The following XPO7 variants were observed in gnomAD, a reference collection of about 807,000 sequenced individuals.
The protein encoded by XPO7 is exportin 7.
A neutral mutation model predicts 144.3 loss-of-function variants in XPO7; 21 were observed. The ratio of observed to expected loss-of-function variants is 0.15; its 90% CI spans 0.10 to 0.21. XPO7 has a LOEUF of 0.21. Among genes scored for constraint, XPO7 ranks in the 10% least tolerant of loss-of-function variants. The probability of loss-of-function intolerance (pLI) is 1.00; values close to 1 mark genes in which losing one functional copy is unlikely to be tolerated. For missense variants in XPO7, 808 were observed against 1,325.8 expected, an observed-to-expected ratio of 0.61 and a Z score of 6.06; for synonymous variants, 580 against 499.6, an observed-to-expected ratio of 1.16 and a Z score of -2.15.
intron 12 of XPO7, among the ~76,000 whole-genome samples, chr8:21,985,061 G>A (rs1280731696): frequency 1.7e-5 from 2 of 115,826 alleles, no homozygotes; most frequent in Non-Finnish European, 3.6e-5. Context: ...AAGAGATGAG[G>A]TCTCGCTATG....
intron 1 of XPO7, among the ~76,000 whole-genome samples, chr8:21,930,921 A>C (rs556600791): frequency 6.6e-6 from 1 of 152,154 alleles, no homozygotes; most frequent in Non-Finnish European, 1.5e-5. Context: ...GCTCACTGCA[A>C]CCTCTGCCTT....
In XPO7 at chr8:21,924,788, C is replaced by T. The variant is rs114423541; in HGVS notation, c.18+5000C>T. ...TGATTTACAAGTATTTCTCTTTTGA[C>T]TTATTTGAAAAGCAAGTTCAGGACC... is the stretch of plus-strand genomic sequence containing the variant. On this transcript the variant is annotated intron_variant, in intron 1 of 27. Transcript: ENST00000252512. 4.8e-3 allele frequency among the ~76,000 whole-genome samples: 731 copies of T among 152,286 alleles called. 8 individuals carry two copies. The highest frequency in any genetic ancestry group is 0.017 in the African/African-American group (705 of 41,576).
intron 21 of XPO7, among the ~76,000 whole-genome samples, chr8:21,997,834 T>C (rs1161509219): frequency 6.6e-6 from 1 of 151,908 alleles, no homozygotes; most frequent in Non-Finnish European, 1.5e-5. Context: ...TGTTGATGGA[T>C]TCAGTGTGGT....
chr8:21,931,935 C>T (rs188695174), intron 1 of XPO7, among the ~76,000 whole-genome samples: 12 of 152,254 alleles, frequency 7.9e-5, no homozygotes, highest in East Asian at 1.9e-4. Context: ...TGCAGTGGCG[C>T]GGTCTTGGCT....
chr8:21,931,044 A>G (rs1206391713), intron 1 of XPO7, among the ~76,000 whole-genome samples: 1 of 151,850 alleles, frequency 6.6e-6, no homozygotes, highest in African/African-American at 2.4e-5. Context: ...GGGTTTCATC[A>G]TGTTGGCCAG....
chr8:21,919,939 G>A (rs1373802690), intron 1 of XPO7, among the ~76,000 whole-genome samples, 151 bp downstream of exon 1: 1 of 151,538 alleles, frequency 6.6e-6, no homozygotes, highest in Non-Finnish European at 1.5e-5. Context: ...CCGTCCCGGA[G>A]CCCCGGGGCC....
chr8:21,990,926 T>A lies in XPO7; in HGVS notation c.2041+7T>A, dbSNP rs752046576. The A allele has an allele frequency of 6.2e-7, 1 of 1,612,918 alleles. No individual in the cohort carries two copies. On this transcript the variant is annotated splice_region_variant and intron_variant, in intron 18 of 27. Transcript: ENST00000252512. The stretch of plus-strand genomic sequence containing the variant: ...CTCCTCATGGTGGATTTAGGTACCG[T>A]AAGAAATCGTAGTGGCTCATGAAGT...
chr8:21,927,373 G>A (rs752657050), intron 1 of XPO7, among the ~76,000 whole-genome samples: 1 of 152,116 alleles, frequency 6.6e-6, no homozygotes, highest in African/African-American at 2.4e-5. Context: ...TACAGGGAGA[G>A]CAGAATGTTG....
intron 1 of XPO7, among the ~76,000 whole-genome samples, chr8:21,945,923 G>T (rs114501994): frequency 6.6e-6 from 1 of 152,096 alleles, no homozygotes; most frequent in Non-Finnish European, 1.5e-5. Flanking sequence ...TTGCTGTAGG[G>T]TCAAATGCCA....
At chr8:21,925,591 AG>A (rs1306650004) in intron 1 of XPO7, among the ~76,000 whole-genome samples, 5 of 152,194 alleles carry the variant, frequency 3.3e-5, no homozygotes, top group African/African-American at 9.6e-5. Flanking sequence ...TCATAGGGAA[AG>A]GGGGATACCA....
chr8:21,945,194 C>T (rs568665541), intron 1 of XPO7, among the ~76,000 whole-genome samples: 4 of 152,042 alleles, frequency 2.6e-5, no homozygotes, highest in East Asian at 1.9e-4. Context: ...TGGGCAGAGG[C>T]GCCCCCCACC....
At chr8:21,949,316 A>G (rs1811295383) in intron 1 of XPO7, among the ~76,000 whole-genome samples, 6 of 152,202 alleles carry the variant, frequency 3.9e-5, no homozygotes. Flanking sequence ...AGCCATCAAA[A>G]TACTGCCCCA....
chr8:21,938,621 C>T (rs761743038), intron 1 of XPO7, among the ~76,000 whole-genome samples: 5 of 152,042 alleles, frequency 3.3e-5, no homozygotes, highest in Non-Finnish European at 7.4e-5. Context: ...ATTTAGTCCT[C>T]AACGATTAAA....
At chr8:21,995,636 CCT>C in intron 21 of XPO7, 37 bp downstream of exon 21, 1 of 1,485,962 alleles carries the variant, frequency 6.7e-7, no homozygotes, top group Non-Finnish European at 9.2e-7. Flanking sequence ...GCACATCTGC[CCT>C]GTTATCTGAG....
chr8:22,003,844 G>T, intron 26 of XPO7, 59 bp from the exon 27 acceptor site: 1 of 1,606,252 alleles, frequency 6.2e-7, no homozygotes, highest in Non-Finnish European at 8.5e-7. Flanking sequence ...GCAGATGACG[G>T]AGGGCTAATC....
chr8:21,987,317 C>A lies in XPO7; in HGVS notation c.1713+41C>A, dbSNP rs137912915. ...TTGGCTCCCCTTAGTTCTCACTTCTCACTTGTGGGATTGCTGATGGAGGGA... is the reference window on the plus strand; with the variant it reads ...TTGGCTCCCCTTAGTTCTCACTTCTAACTTGTGGGATTGCTGATGGAGGGA... On this transcript the variant is annotated intron_variant, in intron 14 of 27. Coordinates refer to ENST00000252512, the MANE Select transcript of XPO7 (RefSeq NM_015024.5). 5.5e-5 allele frequency: 88 copies of A among 1,611,696 alleles called. No individual in the cohort carries two copies. In the African/African-American group the frequency reaches 6.8e-4, roughly 12 times the overall value.
chr8:21,921,815 G>A (rs919387522), intron 1 of XPO7, among the ~76,000 whole-genome samples: 13 of 152,050 alleles, frequency 8.5e-5, no homozygotes, highest in African/African-American at 2.2e-4. Context: ...CATATCAACG[G>A]GGTAAGTTTG....
intron 17 of XPO7, 22 bp from the exon 18 acceptor site, chr8:21,990,789 C>T (rs1260718637): frequency 5.6e-6 from 9 of 1,611,540 alleles, no homozygotes; most frequent in Non-Finnish European, 4.2e-6. Flanking sequence ...TTACCTTTAA[C>T]TTCTTTTCTT....
At chr8:21,933,014 G>A (rs1810703907) in intron 1 of XPO7, among the ~76,000 whole-genome samples, 1 of 151,404 alleles carries the variant, frequency 6.6e-6, no homozygotes, top group Non-Finnish European at 1.5e-5. Context: ...GTATATGGTA[G>A]TATTTTACTG....
Sources: gnomAD v4.1 joint callset for allele counts (sites outside exome capture counted in the v4.1 genomes callset) on GRCh38, gnomAD v4.1.1 for gene constraint, MANE v1.5 for transcripts, NCBI Gene and HGNC (gene_info 2026-07-23, HGNC 2026-07-21) for gene names.